Variants in CCDC7 observed in about 807,000 individuals in gnomAD.
The protein encoded by CCDC7 is coiled-coil domain-containing protein 7.
CCDC7 carries 183 observed loss-of-function variants against 196.9 expected under a neutral mutation model. The observed-to-expected ratio is 0.93, with a 90% confidence interval of 0.82 to 1.05. CCDC7 has a LOEUF of 1.05. CCDC7 is among the 50% of genes least tolerant of loss of function. CCDC7 has a pLI of 0.00. For missense variants in CCDC7, 1,540 were observed against 1,482.2 expected, an observed-to-expected ratio of 1.04 and a Z score of -0.64; for synonymous variants, 525 against 484.6, an observed-to-expected ratio of 1.08 and a Z score of -1.10.
intron 21 of CCDC7, among the ~76,000 whole-genome samples, chr10:32,674,945 C>T (rs1431856208): frequency 1.3e-5 from 2 of 152,002 alleles, no homozygotes; most frequent in Non-Finnish European, 2.9e-5. Context: ...TCCTCTCCTT[C>T]TCTTTTAGTG....
intron 2 of CCDC7, among the ~76,000 whole-genome samples, chr10:32,454,066 TCAAAAA>T (rs2033764789): frequency 6.6e-6 from 1 of 152,108 alleles, no homozygotes; most frequent in Admixed American, 6.5e-5. Context: ...TAGATGAATC[TCAAAAA>T]CATTAGGATG....
intron 11 of CCDC7, among the ~76,000 whole-genome samples, chr10:32,533,451 TA>T (rs2050006684): frequency 6.6e-6 from 1 of 151,998 alleles, no homozygotes; most frequent in Non-Finnish European, 1.5e-5. Context: ...CAATATAGAG[TA>T]TTTTGGGTTT....
intron 15 of CCDC7, among the ~76,000 whole-genome samples, chr10:32,571,465 TA>T (rs2057546865): frequency 6.6e-6 from 1 of 152,190 alleles, no homozygotes; most frequent in Non-Finnish European, 1.5e-5. Flanking sequence ...TTAAAAGGAT[TA>T]GATAATTATG....
At chr10:32,649,433 C>G (rs190389989) in intron 20 of CCDC7, among the ~76,000 whole-genome samples, 25 of 152,306 alleles carry the variant, frequency 1.6e-4, no homozygotes, top group African/African-American at 6.0e-4. Context: ...GGCACCTTCT[C>G]TCTAGCTGCC....
chr10:32,649,987 GA>G (rs775813228), intron 20 of CCDC7, among the ~76,000 whole-genome samples: 6 of 152,156 alleles, frequency 3.9e-5, no homozygotes, highest in Non-Finnish European at 8.8e-5. Flanking sequence ...TTGCCGTCAA[GA>G]TTCTGAATTC....
intron 21 of CCDC7, among the ~76,000 whole-genome samples, chr10:32,681,512 G>A (rs1400728440): frequency 1.3e-5 from 2 of 152,090 alleles, no homozygotes; most frequent in African/African-American, 4.8e-5. Context: ...GACTAAAAAT[G>A]TTATATGCCC....
intron 17 of CCDC7, 67 bp downstream of exon 18, chr10:32,583,374 C>A: frequency 9.3e-7 from 1 of 1,076,910 alleles, no homozygotes; most frequent in Non-Finnish European, 1.2e-6. Context: ...TAAATGCTAA[C>A]CCATTTAAAT....
In CCDC7 at chr10:32,729,790, A is replaced by G. The variant is rs1592126479; in HGVS notation, c.2905+333A>G. On this transcript the variant is annotated intron_variant, in intron 28 of 41. Transcript: ENST00000639629. ...TTCAAAAAACAGTTTTTTCCTTATA[A>G]AAGGATTCACTTCATCATTTTCATA... Among the ~76,000 whole-genome samples the G allele has an allele frequency of 2.0e-5, 3 of 152,086 alleles. No homozygotes were observed. The East Asian group carries it at 5.8e-4, about 29-fold the overall frequency.
intron 28 of CCDC7, among the ~76,000 whole-genome samples, chr10:32,768,340 A>G (rs1395171509): frequency 6.6e-6 from 1 of 152,146 alleles, no homozygotes; most frequent in Admixed American, 6.6e-5. Flanking sequence ...GTTAAGGTAT[A>G]CAGAAATGCC....
At chr10:32,683,142 C>A (rs2076054020) in intron 21 of CCDC7, among the ~76,000 whole-genome samples, 1 of 152,088 alleles carries the variant, frequency 6.6e-6, no homozygotes. Flanking sequence ...ACATTTAAGT[C>A]TTTAATTCAT....
At chr10:32,534,269 CTTG>C (rs1187306717) in intron 11 of CCDC7, among the ~76,000 whole-genome samples, 2 of 152,152 alleles carry the variant, frequency 1.3e-5, no homozygotes, top group South Asian at 2.1e-4. Context: ...TTATTTTAAA[CTTG>C]TTGTTAAATT....
At chr10:32,758,626 C>A (rs2076891978) in intron 28 of CCDC7, among the ~76,000 whole-genome samples, 1 of 151,968 alleles carries the variant, frequency 6.6e-6, no homozygotes, top group African/African-American at 2.4e-5. Context: ...TATGACAAAC[C>A]CACAGCCAAT....
intron 19 of CCDC7, among the ~76,000 whole-genome samples, chr10:32,634,781 C>T (rs1480043325): frequency 1.3e-5 from 2 of 152,130 alleles, no homozygotes; most frequent in Non-Finnish European, 2.9e-5. Flanking sequence ...AAATTTTATA[C>T]TTTGACCTAA....
chr10:32,652,765 A>G (rs979604830), intron 20 of CCDC7, among the ~76,000 whole-genome samples: 3 of 152,060 alleles, frequency 2.0e-5, no homozygotes, highest in Non-Finnish European at 2.9e-5. Context: ...CTAATGCATA[A>G]TAAATTTTTC....
intron 29 of CCDC7, among the ~76,000 whole-genome samples, chr10:32,798,255 A>G (rs188792410): frequency 2.1e-4 from 32 of 152,338 alleles, no homozygotes; most frequent in Non-Finnish European, 3.1e-4. Flanking sequence ...GAATGGTGCC[A>G]TATAGAGGGC....
At chr10:32,845,946 G>A in exon 36 of CCDC7, 1 of 1,610,468 alleles carries the variant, frequency 6.2e-7, no homozygotes, top group Non-Finnish European at 8.5e-7. Flanking sequence ...CTACACAACT[G>A]AAGAGTCACC....
intron 32 of CCDC7, among the ~76,000 whole-genome samples, chr10:32,830,143 C>CATATATGGATATATATATATA (rs2091996967): frequency 8.9e-5 from 2 of 22,392 alleles, no homozygotes; most frequent in Non-Finnish European, 2.7e-4. Flanking sequence ...TATATATATC[C>CATATATGGATATATATATATA]TATTAGTTCT....
chr10:32,602,838 A>T (rs1239538839), intron 18 of CCDC7, among the ~76,000 whole-genome samples: 3 of 152,146 alleles, frequency 2.0e-5, no homozygotes. Context: ...TTGATGCATA[A>T]TATTTGTACA....
chr10:32,828,544 A>G (rs1295407717), intron 32 of CCDC7, among the ~76,000 whole-genome samples: 3 of 146,532 alleles, frequency 2.0e-5, no homozygotes, highest in African/African-American at 5.1e-5. Context: ...GAAGAAGAAG[A>G]AGAAGAAGAA....
Sources: gnomAD v4.1 joint callset for allele counts (sites outside exome capture counted in the v4.1 genomes callset) on GRCh38, gnomAD v4.1.1 for gene constraint, MANE v1.5 for transcripts, NCBI Gene and HGNC (gene_info 2026-07-23, HGNC 2026-07-21) for gene names.